The following MGMT variants were observed in gnomAD, a reference collection of about 807,000 sequenced individuals.
MGMT encodes O-6-methylguanine-DNA methyltransferase.
Under a neutral mutation model 15.9 loss-of-function variants are expected in MGMT, and 14 were observed. The observed-to-expected ratio is 0.88, with a 90% confidence interval of 0.58 to 1.37. The LOEUF is 1.37. MGMT is among the 40% of genes most tolerant of loss of function. The pLI is 0.00. For missense variants in MGMT, 282 were observed against 268.1 expected (o/e 1.05, Z -0.36); for synonymous variants, 130 against 118.2 (o/e 1.10, Z -0.65).
chr10:129,528,534 G>C (rs1845895256), intron 1 of MGMT, among the ~76,000 whole-genome samples: 1 of 151,986 alleles, frequency 6.6e-6, no homozygotes, highest in Non-Finnish European at 1.5e-5. Flanking sequence ...GCGGGGGCGT[G>C]GGTGCGATGG....
intron 2 of MGMT, among the ~76,000 whole-genome samples, chr10:129,601,653 T>C (rs1846823200): frequency 6.6e-6 from 1 of 152,156 alleles, no homozygotes; most frequent in Non-Finnish European, 1.5e-5. Context: ...AGCTAGTGGG[T>C]TCCATTACTG....
chr10:129,627,264 G>A (rs1847160549), intron 2 of MGMT, among the ~76,000 whole-genome samples: 1 of 152,154 alleles, frequency 6.6e-6, no homozygotes, highest in East Asian at 1.9e-4. Context: ...TAACATATGT[G>A]ACTCTGGTAA....
intron 3 of MGMT, among the ~76,000 whole-genome samples, chr10:129,713,860 C>G (rs891760958): frequency 1.3e-5 from 2 of 152,180 alleles, no homozygotes; most frequent in Admixed American, 6.5e-5. Flanking sequence ...TCTGGAGGAG[C>G]ATGCCACTAG....
At chr10:129,697,462 A>G (rs1848045199) in intron 2 of MGMT, among the ~76,000 whole-genome samples, 1 of 151,870 alleles carries the variant, frequency 6.6e-6, no homozygotes, top group South Asian at 2.1e-4. Context: ...GCGTTTGGTA[A>G]GTTGTTATTA....
intron 2 of MGMT, among the ~76,000 whole-genome samples, chr10:129,573,686 A>G (rs896127053): frequency 1.3e-5 from 2 of 152,200 alleles, no homozygotes; most frequent in Non-Finnish European, 2.9e-5. Context: ...CTTTTTCAGT[A>G]TCTTTTGAAT....
In MGMT at chr10:129,708,071, T is replaced by C. The variant is rs769540455; in HGVS notation, c.274+28T>C. ...CGGTAACTAAGCCATCTGCGGTGTT[T>C]CCTTTGGGGAGCTTGACTTATTAAC... On this transcript the variant is annotated intron_variant, in intron 3 of 4. Coordinates refer to ENST00000651593, the MANE Select transcript of MGMT (RefSeq NM_002412.5). 13 of 1,592,192 alleles carry C rather than the reference T, an allele frequency of 8.2e-6. No homozygotes were observed. The African/African-American group carries it at 1.8e-4, about 22-fold the overall frequency.
intron 1 of MGMT, among the ~76,000 whole-genome samples, chr10:129,479,932 A>T (rs1048188705): frequency 6.6e-6 from 1 of 152,222 alleles, no homozygotes; most frequent in Non-Finnish European, 1.5e-5. Context: ...TTAATACCCC[A>T]TTAGAAATTA....
chr10:129,766,460 G>A (rs150733276), intron 4 of MGMT, among the ~76,000 whole-genome samples: 15 of 152,302 alleles, frequency 9.8e-5, no homozygotes, highest in African/African-American at 3.4e-4. Flanking sequence ...TTTTGTAAGC[G>A]AACGTTGTAT....
Position 129,532,208 on chromosome 10 carries a change from G to A in MGMT, c.-12-4033G>A, listed in dbSNP as rs998885696. Among the ~76,000 whole-genome samples the A allele has an allele frequency of 5.9e-5, 9 of 152,330 alleles. No individual in the cohort carries two copies. The South Asian group carries it at 1.5e-3, about 25-fold the overall frequency. On this transcript the variant is annotated intron_variant, in intron 1 of 4. Coordinates refer to ENST00000651593, the MANE Select transcript of MGMT (RefSeq NM_002412.5). This position sits in a 1 kb window ranked among gnomAD's most constrained non-coding sequence, Gnocchi z 5.3. ...CCCATGCCATGATGCTGGTCATGGG[G>A]ATAGCACCACAGGGCTCAGTCGGGG...
At chr10:129,631,745 G>A (rs1307061380) in intron 2 of MGMT, among the ~76,000 whole-genome samples, 1 of 152,172 alleles carries the variant, frequency 6.6e-6, no homozygotes, top group Admixed American at 6.5e-5. Context: ...AATCTCTTGA[G>A]CCTGGGAGTT....
chr10:129,594,705 C>A (rs1444885582), intron 2 of MGMT, among the ~76,000 whole-genome samples: 3 of 152,204 alleles, frequency 2.0e-5, no homozygotes, highest in Non-Finnish European at 4.4e-5. Flanking sequence ...GGGCTGGAGA[C>A]AGCAGAATCC....
At chr10:129,686,068 A>G (rs996076723) in intron 2 of MGMT, among the ~76,000 whole-genome samples, 6 of 152,224 alleles carry the variant, frequency 3.9e-5, no homozygotes, top group Non-Finnish European at 8.8e-5. Flanking sequence ...TTATAAAGAA[A>G]ATTACTCCTT....
intron 3 of MGMT, among the ~76,000 whole-genome samples, chr10:129,741,775 A>G (rs1848636057): frequency 6.6e-6 from 1 of 152,070 alleles, no homozygotes; most frequent in Non-Finnish European, 1.5e-5. Context: ...GAGTCGGTTG[A>G]GACTCATCCA....
At chr10:129,757,408 G>A (rs1324489254) in intron 3 of MGMT, among the ~76,000 whole-genome samples, 1 of 152,096 alleles carries the variant, frequency 6.6e-6, no homozygotes, top group East Asian at 1.9e-4. Flanking sequence ...CACCTCCCTC[G>A]TTTCATTCCT....
chr10:129,720,892 G>A (rs1215653811), intron 3 of MGMT, among the ~76,000 whole-genome samples: 4 of 151,618 alleles, frequency 2.6e-5, no homozygotes, highest in East Asian at 1.9e-4. Flanking sequence ...GACCCCAAAC[G>A]CTTGGGTCTC....
chr10:129,720,448 T>C (rs902446361), intron 3 of MGMT, among the ~76,000 whole-genome samples: 6 of 152,152 alleles, frequency 3.9e-5, no homozygotes, highest in Non-Finnish European at 5.9e-5. Context: ...CCCCCAACCC[T>C]CCCACAGCAC....
At chr10:129,647,327 A>G (rs1847409068) in intron 2 of MGMT, among the ~76,000 whole-genome samples, 1 of 152,052 alleles carries the variant, frequency 6.6e-6, no homozygotes, top group South Asian at 2.1e-4. Flanking sequence ...TGTGTAGTTT[A>G]CCACGGGAGA....
chr10:129,619,383 A>G (rs913166354), intron 2 of MGMT, among the ~76,000 whole-genome samples: 2 of 152,192 alleles, frequency 1.3e-5, no homozygotes, highest in Non-Finnish European at 2.9e-5. Context: ...CTATATACAT[A>G]GAAATAATAA....
intron 2 of MGMT, among the ~76,000 whole-genome samples, chr10:129,678,342 G>A (rs889848816): frequency 2.0e-5 from 3 of 151,886 alleles, no homozygotes; most frequent in African/African-American, 4.8e-5. Flanking sequence ...ACTTTTCCAG[G>A]CCCCGCTGCC....
Sources: gnomAD v4.1 joint callset for allele counts (sites outside exome capture counted in the v4.1 genomes callset) on GRCh38, gnomAD v4.1.1 for gene constraint, Gnocchi (gnomAD v3.1) non-coding constraint, MANE v1.5 for transcripts, NCBI Gene and HGNC (gene_info 2026-07-23, HGNC 2026-07-21) for gene names.